Variants in SYTL1 observed in about 807,000 individuals in gnomAD.
SYTL1 encodes the protein synaptotagmin-like protein 1.
A neutral mutation model predicts 74.6 loss-of-function variants in SYTL1; 53 were observed. The ratio of observed to expected loss-of-function variants is 0.71; its 90% confidence interval spans 0.57 to 0.89. The LOEUF (loss-of-function observed/expected upper bound fraction) is 0.89. Among genes scored for constraint, SYTL1 ranks in the 40% least tolerant of loss-of-function variants. The pLI, the probability that SYTL1 is intolerant of heterozygous loss-of-function variation, is 0.00. For synonymous variants in SYTL1, 329 were observed against 324.9 expected (o/e 1.01, Z -0.14); for missense variants, 728 against 768.7 (o/e 0.95, Z 0.63).
At chr1:27,349,561 C>A in intron 7 of SYTL1, 63 bp downstream of exon 7, 1 of 1,494,936 alleles carries the variant, frequency 6.7e-7, no homozygotes, top group Non-Finnish European at 8.9e-7. Context: ...GGGGAGCGCT[C>A]CTGCCCAGGG....
In SYTL1 at chr1:27,353,534, G is replaced by A. The variant is rs752961241; in HGVS notation, c.1549+46G>A. On this transcript the variant is annotated intron_variant, in intron 14 of 14. Coordinates refer to ENST00000616558, the MANE Select transcript of SYTL1 (RefSeq NM_001193308.2). ...AGACAGGCCCTGGGACAGGCCCTGGGAGATGGGGGCTCAGTGTGTGGCCCT... is the reference window on the plus strand; with the variant it reads ...AGACAGGCCCTGGGACAGGCCCTGGAAGATGGGGGCTCAGTGTGTGGCCCT... 8 of 1,563,644 alleles carry A rather than the reference G, an allele frequency of 5.1e-6. 1 individual carries two copies. The Admixed American group carries it at 1.5e-4, about 30-fold the overall frequency.
At chr1:27,349,924 A>C in intron 8 of SYTL1, 48 bp from the exon 9 acceptor site, 1 of 1,556,986 alleles carries the variant, frequency 6.4e-7, no homozygotes, top group Non-Finnish European at 8.6e-7. Flanking sequence ...CGCGGCCCCG[A>C]CGTGAGCCCT....
At chr1:27,346,169 T>TG (rs1212129488) in intron 2 of SYTL1, among the ~76,000 whole-genome samples, 1 of 152,150 alleles carries the variant, frequency 6.6e-6, no homozygotes, top group East Asian at 1.9e-4. Context: ...TGGGCCTCCC[T>TG]GGTCGGTCCT....
Position 27,351,134 on chromosome 1 carries a change from C to G in SYTL1, c.1165-124C>G, listed in dbSNP as rs370557522. The G allele has an allele frequency of 4.0e-5, 54 of 1,348,244 alleles. No individual in the cohort carries two copies. The African/African-American group carries it at 6.3e-4, about 16-fold the overall frequency. The allele number at this position is 1,348,244 out of a possible 1,614,324, so 83.5% of individuals were successfully genotyped here. Reference sequence around the variant, plus strand: ...CCCTTCCCCGAGGGCGCTAGGACCCCTAGGTTCTGCCCCTGCAGGCCCCGC... The same window carrying G: ...CCCTTCCCCGAGGGCGCTAGGACCCGTAGGTTCTGCCCCTGCAGGCCCCGC... On this transcript the variant is annotated intron_variant, in intron 11 of 14. Transcript: ENST00000616558. The surrounding 1 kb of genome is among the most constrained non-coding windows in gnomAD (Gnocchi z 5.0).
At position 27,345,314 on chromosome 1, in the gene SYTL1, G is replaced by C. The variant is rs1046622394; in HGVS notation, c.-21G>C. ...GCCCCCAGGAAGCTCCGTGTGCCCA[G>C]CTGGGGCACAGCCCCAGCTGATGCC... On this transcript the variant is annotated 5_prime_UTR_variant, in exon 2 of 15. Coordinates refer to ENST00000616558, the MANE Select transcript of SYTL1 (RefSeq NM_001193308.2). The surrounding 1 kb of genome is among the most constrained non-coding windows in gnomAD (Gnocchi z 6.0). The C allele has an allele frequency of 7.5e-6, 11 of 1,460,114 alleles. No individual in the cohort carries two copies. Among genetic ancestry groups the C allele is most frequent in the Non-Finnish European group, 9.9e-6 (11 of 1,105,838 alleles). The allele number at this position is 1,460,114 out of a possible 1,614,324, so 90.4% of individuals were successfully genotyped here.
rs965317859 is a variant in SYTL1, at chr1:27,348,379, C to T, written c.459+367C>T. Among the ~76,000 whole-genome samples, 5 of 151,712 alleles carry T rather than the reference C, an allele frequency of 3.3e-5. No homozygotes were observed. The highest frequency in any genetic ancestry group is 1.2e-4 in the African/African-American group (5 of 41,242). Reference sequence around the variant, plus strand: ...TTGAGCCGAGGAGTTCAAGACCAGCCTGGGCAACATAGCAAAATGCCCCCC... The same window carrying T: ...TTGAGCCGAGGAGTTCAAGACCAGCTTGGGCAACATAGCAAAATGCCCCCC... On this transcript the variant is annotated intron_variant, in intron 5 of 14. Transcript: ENST00000616558. The surrounding 1 kb of genome is among the most constrained non-coding windows in gnomAD (Gnocchi z 4.1).
rs373640680 is a variant in SYTL1, at chr1:27,345,021, CAT to C, written c.-38-275_-38-274del. ...ATGCCTACATGGACCCGCGTGTGCACATGTGTCTGTGTGTTCCATCGCTGCAG... is the reference window on the plus strand; with the variant it reads ...ATGCCTACATGGACCCGCGTGTGCACGTGTCTGTGTGTTCCATCGCTGCAG... On this transcript the variant is annotated intron_variant, in intron 1 of 14. Transcript: ENST00000616558. This position sits in a 1 kb window ranked among gnomAD's most constrained non-coding sequence, Gnocchi z 6.0. The C allele has an allele frequency of 1.9e-4, 42 of 223,548 alleles. No homozygotes were observed. The Middle Eastern group carries it at 4.3e-3, about 23-fold the overall frequency. The allele number at this position is 223,548 out of a possible 1,614,324, so 13.8% of individuals were successfully genotyped here.
chr1:27,346,797 T>C (rs1219591527), intron 2 of SYTL1, among the ~76,000 whole-genome samples: 1 of 151,546 alleles, frequency 6.6e-6, no homozygotes, highest in Non-Finnish European at 1.5e-5. Flanking sequence ...TAATAATTAT[T>C]ATCCTTCTCT....
chr1:27,346,822 A>C (rs2015022827), intron 2 of SYTL1, among the ~76,000 whole-genome samples: 1 of 151,940 alleles, frequency 6.6e-6, no homozygotes, highest in East Asian at 1.9e-4. Flanking sequence ...GGAGAGTTCC[A>C]ATTTGTCTTT....
At position 27,350,132 on chromosome 1, in the gene SYTL1, C is replaced by T. The variant is rs1411770358; in HGVS notation, c.908C>T (p.Pro303Leu). The change falls in exon 9 of 15, where the codon CCC becomes CTC. Residue 303 changes from proline to leucine, a missense_variant and splice_region_variant. Coordinates refer to ENST00000616558, the MANE Select transcript of SYTL1 (RefSeq NM_001193308.2). The surrounding 1 kb of genome is among the most constrained non-coding windows in gnomAD (Gnocchi z 6.3). The part of the protein sequence containing the change: ...LAAARRRRSD[P>L]YVKSYLLPDK... ...GCCGCCCGGCGCCGCCGCTCGGACC[C>T]GTGAGTGCCCCGCCGGCCAAGCGGG... The T allele has an allele frequency of 3.6e-6, 5 of 1,396,564 alleles. No homozygotes were observed. The East Asian group carries it at 1.5e-4, about 41-fold the overall frequency. The allele number at this position is 1,396,564 out of a possible 1,614,324, so 86.5% of individuals were successfully genotyped here.
rs776131736 is a variant in SYTL1, at chr1:27,353,319, G to A, written c.1380G>A (p.Gln460=). 5 of 1,606,638 alleles carry A rather than the reference G, an allele frequency of 3.1e-6. No individual in the cohort carries two copies. The highest frequency in any genetic ancestry group is 4.2e-6 in the Non-Finnish European group (5 of 1,176,860). Residue 460 remains glutamine, a synonymous_variant, in exon 14 of 15, where the codon CAG becomes CAA. Transcript: ENST00000616558. ...VLPDDSQASR[Q]RTRVVRRSLS... ...CTGATGACAGCCAGGCCAGCCGCCA[G>A]CGTACAAGGGTTGTGCGACGCAGCC...
chr1:27,350,534 C>CGCAGGAAGGGGG lies in SYTL1; in HGVS notation c.1005+49_1005+50insGCAGGAAGGGGG. ...TTCCCCGTTAATGAACTGGACGCCC[C>CGCAGGAAGGGGG]CTTCCTGCGGGGCTAGGTGGCAAGG... On this transcript the variant is annotated intron_variant, in intron 10 of 14. Transcript: ENST00000616558. The surrounding 1 kb of genome is among the most constrained non-coding windows in gnomAD (Gnocchi z 6.3). 2 of 1,504,538 alleles carry CGCAGGAAGGGGG rather than the reference C, an allele frequency of 1.3e-6. No homozygotes were observed. Among genetic ancestry groups the CGCAGGAAGGGGG allele is most frequent in the African/African-American group, 1.4e-5 (1 of 73,124 alleles). The allele number at this position is 1,504,538 out of a possible 1,614,324, so 93.2% of individuals were successfully genotyped here. A position where few individuals can be genotyped will look rare whatever the true frequency, so the allele number is the denominator to read the frequency against.
chr1:27,353,617 C>G, intron 14 of SYTL1, 96 bp from the exon 15 acceptor site: 1 of 1,555,218 alleles, frequency 6.4e-7, no homozygotes, highest in Non-Finnish European at 8.8e-7. Context: ...AGGGTGGTAA[C>G]GGGGGACAGT....
Position 27,343,443 on chromosome 1 carries a change from G to A in SYTL1, c.-39+1293G>A, listed in dbSNP as rs1410376035. Among the ~76,000 whole-genome samples the A allele has an allele frequency of 6.6e-6, 1 of 152,156 alleles. No individual in the cohort carries two copies. On this transcript the variant is annotated intron_variant, in intron 1 of 14. Coordinates refer to ENST00000616558, the MANE Select transcript of SYTL1 (RefSeq NM_001193308.2). The surrounding 1 kb of genome is among the most constrained non-coding windows in gnomAD (Gnocchi z 5.2). ...GGAGGCCTCCGTGGGAGTGGGTGCG[G>A]CAGTTACCTCAGGAGAGGAAGTTGG...
In SYTL1 at chr1:27,349,365, AGGGCTC is replaced by A. The variant is rs2015138208; in HGVS notation, c.533-31_533-26del. On this transcript the variant is annotated intron_variant, in intron 6 of 14. Coordinates refer to ENST00000616558, the MANE Select transcript of SYTL1 (RefSeq NM_001193308.2). ...AAATTTGCTTAGGGGAGGGCAGGAGAGGGCTCGCTTAGCATCTCGTGCCCCACCCCA... is the reference window on the plus strand; with the variant it reads ...AAATTTGCTTAGGGGAGGGCAGGAGAGCTTAGCATCTCGTGCCCCACCCCA... 1.1e-5 allele frequency: 16 copies of A among 1,443,470 alleles called. 1 individual carries two copies. The South Asian group carries it at 2.4e-4, about 21-fold the overall frequency. 89.4% of individuals were successfully genotyped at this position (1,443,470 alleles called of 1,614,324 possible). A position where few individuals can be genotyped will look rare whatever the true frequency, so the allele number is the denominator to read the frequency against.
Position 27,353,324 on chromosome 1 carries a change from C to T in SYTL1, c.1385C>T (p.Thr462Ile), listed in dbSNP as rs539089020. 2.3e-5 allele frequency: 37 copies of T among 1,607,734 alleles called. No homozygotes were observed. Among genetic ancestry groups the T allele is most frequent in the Non-Finnish European group, 2.0e-5 (23 of 1,177,460 alleles). ...PDDSQASRQR[T>I]RVVRRSLSPV... ...GACAGCCAGGCCAGCCGCCAGCGTA[C>T]AAGGGTTGTGCGACGCAGCCTCAGC... is the stretch of plus-strand genomic sequence containing the variant. Residue 462 changes from threonine to isoleucine, a missense_variant, in exon 14 of 15, where the codon ACA becomes ATA. Physicochemically the swap from Thr to Ile is moderately conservative, Grantham distance 89. Coordinates refer to ENST00000616558, the MANE Select transcript of SYTL1 (RefSeq NM_001193308.2).
Position 27,348,091 on chromosome 1 carries a change from C to A in SYTL1, c.459+79C>A. ...GTGCAGGGGGCAGGGGGGAAAGAGC[C>A]CCAGCCTGGGAATGGGGAGACCCTG... On this transcript the variant is annotated intron_variant, in intron 5 of 14. Coordinates refer to ENST00000616558, the MANE Select transcript of SYTL1 (RefSeq NM_001193308.2). This position sits in a 1 kb window ranked among gnomAD's most constrained non-coding sequence, Gnocchi z 4.1. 1 of 1,424,394 alleles carries A rather than the reference C, an allele frequency of 7.0e-7. No homozygotes were observed. The highest frequency in any genetic ancestry group is 9.9e-7 in the Non-Finnish European group (1 of 1,009,148). 88.2% of individuals were successfully genotyped at this position (1,424,394 alleles called of 1,614,324 possible).
At position 27,347,767 on chromosome 1, in the gene SYTL1, C is replaced by T. The variant is rs1210546115; in HGVS notation, c.341-41C>T. On this transcript the variant is annotated intron_variant, in intron 3 of 14. Transcript: ENST00000616558. This position sits in a 1 kb window ranked among gnomAD's most constrained non-coding sequence, Gnocchi z 4.9. Reference sequence around the variant, plus strand: ...CCTCTCCCGAGTCACAGCCAGGCTTCCTGAGCATGGGGGCTCACAGAACTT... The same window carrying T: ...CCTCTCCCGAGTCACAGCCAGGCTTTCTGAGCATGGGGGCTCACAGAACTT... 3 of 1,592,124 alleles carry T rather than the reference C, an allele frequency of 1.9e-6. No homozygotes were observed. Among genetic ancestry groups the T allele is most frequent in the Non-Finnish European group, 2.6e-6 (3 of 1,168,188 alleles).
Position 27,350,464 on chromosome 1 carries a change from G to C in SYTL1, c.984G>C (p.Pro328=). ...KTAVKKRNLN[P]VFNETLRYSV... The stretch of plus-strand genomic sequence containing the variant: ...CGGTGAAGAAACGGAATCTGAATCC[G>C]GTTTTCAACGAGACTCTCCGGGTGA... Residue 328 remains proline (P), a synonymous_variant, in exon 10 of 15, where the codon CCG becomes CCC. Transcript: ENST00000616558. This position sits in a 1 kb window ranked among gnomAD's most constrained non-coding sequence, Gnocchi z 6.3. The C allele has an allele frequency of 6.2e-7, 1 of 1,613,748 alleles. No individual in the cohort carries two copies. Among genetic ancestry groups the C allele is most frequent in the Non-Finnish European group, 8.5e-7 (1 of 1,179,866 alleles).
Sources: allele counts gnomAD v4.1 joint callset (sites outside exome capture counted in the v4.1 genomes callset), GRCh38; gene constraint gnomAD v4.1.1; non-coding constraint Gnocchi (gnomAD v3.1); transcripts MANE v1.5; gene names NCBI Gene and HGNC (gene_info 2026-07-23, HGNC 2026-07-21).